PRKAR2B: variants seen among roughly 807,000 people sequenced by gnomAD.
PRKAR2B encodes protein kinase cAMP-dependent type II regulatory subunit beta.
Under a neutral mutation model 49.9 loss-of-function variants are expected in PRKAR2B, and 14 were observed. The observed-to-expected ratio is 0.28, with a 90% CI of 0.19 to 0.44. The LOEUF (loss-of-function observed/expected upper bound fraction) is 0.44, where lower values mean the gene tolerates loss of function less well. Among genes scored for constraint, PRKAR2B ranks in the 20% least tolerant of loss-of-function variants. The pLI is 1.00. For synonymous variants in PRKAR2B, 196 were observed against 197.7 expected, an observed-to-expected ratio of 0.99 and a Z score of 0.07; for missense variants, 393 against 537.9, an observed-to-expected ratio of 0.73 and a Z score of 2.67.
chr7:107,142,367 G>A (rs1417787614), intron 5 of PRKAR2B, among the ~76,000 whole-genome samples: 1 of 152,186 alleles, frequency 6.6e-6, no homozygotes, highest in Non-Finnish European at 1.5e-5. Flanking sequence ...TTATCTATAT[G>A]TGAATCAAAG....
intron 5 of PRKAR2B, among the ~76,000 whole-genome samples, chr7:107,142,945 T>C (rs914072336): frequency 1.3e-5 from 2 of 152,138 alleles, no homozygotes; most frequent in Non-Finnish European, 2.9e-5. Flanking sequence ...GTATTTTCAG[T>C]AGAGACAAGG....
At chr7:107,128,959 C>G (rs1467987976) in intron 4 of PRKAR2B, 1 of 152,038 alleles carries the variant, frequency 6.6e-6, no homozygotes, top group Non-Finnish European at 1.5e-5. Context: ...TTAGTCATTG[C>G]TGTATAGTTA....
chr7:107,054,430 G>A (rs972701145), intron 1 of PRKAR2B, among the ~76,000 whole-genome samples: 2 of 152,128 alleles, frequency 1.3e-5, no homozygotes, highest in Non-Finnish European at 2.9e-5. Flanking sequence ...AAATATTCTT[G>A]TCTTAAGTCA....
At chr7:107,054,387 C>T (rs924201781) in intron 1 of PRKAR2B, among the ~76,000 whole-genome samples, 4 of 148,414 alleles carry the variant, frequency 2.7e-5, no homozygotes, top group Admixed American at 2.1e-4. Context: ...CGGTATATAG[C>T]GGCACATGAC....
intron 2 of PRKAR2B, among the ~76,000 whole-genome samples, chr7:107,084,972 A>G (rs553198379): frequency 3.2e-4 from 49 of 152,208 alleles, no homozygotes; most frequent in African/African-American, 1.1e-3. Context: ...TTAATAGTAC[A>G]GGTATATACG....
At chr7:107,104,786 A>C (rs892194774) in intron 2 of PRKAR2B, among the ~76,000 whole-genome samples, 2 of 152,194 alleles carry the variant, frequency 1.3e-5, no homozygotes, top group African/African-American at 4.8e-5. Flanking sequence ...GTCTGGGTGC[A>C]AATGTGTGCT....
intron 2 of PRKAR2B, among the ~76,000 whole-genome samples, chr7:107,107,598 A>C (rs978368105): frequency 6.6e-6 from 1 of 151,816 alleles, no homozygotes; most frequent in Non-Finnish European, 1.5e-5. Flanking sequence ...AAGAAACTCA[A>C]TTATGAGGTA....
At chr7:107,072,805 G>A (rs1794306877) in intron 2 of PRKAR2B, among the ~76,000 whole-genome samples, 1 of 152,054 alleles carries the variant, frequency 6.6e-6, no homozygotes, top group Non-Finnish European at 1.5e-5. Flanking sequence ...GATTTCTTAT[G>A]ATACCTTTTC....
At chr7:107,094,343 T>C (rs573845505) in intron 2 of PRKAR2B, among the ~76,000 whole-genome samples, 3 of 152,356 alleles carry the variant, frequency 2.0e-5, no homozygotes, top group Admixed American at 2.0e-4. Flanking sequence ...CTTTGCCTTT[T>C]TGATGGGGTT....
chr7:107,096,997 G>A (rs1055072911), intron 2 of PRKAR2B, among the ~76,000 whole-genome samples: 1 of 152,204 alleles, frequency 6.6e-6, no homozygotes, highest in African/African-American at 2.4e-5. Context: ...TTGATTTGGG[G>A]TGGAGAGTTC....
Position 107,045,047 on chromosome 7 carries a change from G to T in PRKAR2B, c.140G>T (p.Gly47Val). The change falls in exon 1 of 11, where the codon GGC (glycine) becomes GTC (valine). Residue 47 changes from glycine (G) to valine (V), a missense_variant. By Grantham distance (109) the Gly-to-Val change is moderately radical. Around this residue, in one of 2 missense-constraint regions of PRKAR2B, gnomAD observed 160 missense variants for 147.6 expected, o/e 1.08. Coordinates refer to ENST00000265717, the MANE Select transcript of PRKAR2B (RefSeq NM_002736.3). ...CTGCAGCAGGAGAACGAGCGCAAAG[G>T]CACCGCGCGCTTCGGCCATGAGGGC... ...TRLQQENERK[G>V]TARFGHEGRT... 6.5e-7 allele frequency: 1 copy of T among 1,546,620 alleles called. No individual in the cohort carries two copies. The highest frequency in any genetic ancestry group is 1.2e-5 in the South Asian group (1 of 84,326).
Position 107,151,012 on chromosome 7 carries a change from A to G in PRKAR2B, c.832A>G (p.Lys278Glu). 6.4e-7 allele frequency: 1 copy of G among 1,567,388 alleles called. No individual in the cohort carries two copies. The highest frequency in any genetic ancestry group is 1.2e-5 in the South Asian group (1 of 85,168). Reference protein sequence around the residue: ...ESFIESLPFLKSLEFSERLKV... With the variant: ...ESFIESLPFLESLEFSERLKV... ...CTTTATTGAGTCACTGCCATTCCTT[A>G]AATCTTTGGAGGTAAGTATATGTTT... Residue 278 changes from lysine to glutamate, a missense_variant, in exon 7 of 11, where the codon AAA (lysine) becomes GAA (glutamate). Physicochemically the swap from Lys to Glu is moderately conservative, Grantham distance 56 (BLOSUM62 1). Transcript: ENST00000265717.
At chr7:107,127,680 C>T (rs568043933) in intron 3 of PRKAR2B, among the ~76,000 whole-genome samples, 2 of 152,214 alleles carry the variant, frequency 1.3e-5, no homozygotes, top group South Asian at 4.1e-4. Context: ...CAGGTACATA[C>T]CACATGTGTA....
chr7:107,142,767 G>A (rs1191019962), intron 5 of PRKAR2B, among the ~76,000 whole-genome samples: 1 of 150,640 alleles, frequency 6.6e-6, no homozygotes, highest in Non-Finnish European at 1.5e-5. Flanking sequence ...AAGATTTTTT[G>A]TTTGTTTTTT....
At chr7:107,053,643 T>C (rs376133699) in intron 1 of PRKAR2B, among the ~76,000 whole-genome samples, 1 of 151,986 alleles carries the variant, frequency 6.6e-6, no homozygotes, top group African/African-American at 2.4e-5. Context: ...GAAAATTCTA[T>C]CTTATAAAAA....
chr7:107,160,775 G>A lies in PRKAR2B; in HGVS notation c.*1193G>A, dbSNP rs1197775402. On this transcript the variant is annotated 3_prime_UTR_variant, in exon 11 of 11. Coordinates refer to ENST00000265717, the MANE Select transcript of PRKAR2B (RefSeq NM_002736.3). Reference sequence around the variant, plus strand: ...TAGGCCTTGCCATTGCTTTAATGTAGACTCATAGTTGAAATTAGTGCAGAA... The same window carrying A: ...TAGGCCTTGCCATTGCTTTAATGTAAACTCATAGTTGAAATTAGTGCAGAA... 1 of 152,064 alleles carries A rather than the reference G, an allele frequency of 6.6e-6. No homozygotes were observed. Among genetic ancestry groups the A allele is most frequent in the African/African-American group, 2.4e-5 (1 of 41,392 alleles). 9.4% of individuals were successfully genotyped at this position (152,064 alleles called of 1,614,324 possible).
intron 2 of PRKAR2B, among the ~76,000 whole-genome samples, chr7:107,072,310 A>G (rs1175828376): frequency 2.0e-5 from 3 of 152,006 alleles, no homozygotes; most frequent in Non-Finnish European, 4.4e-5. Flanking sequence ...TAAAATTGTT[A>G]TCCCAATAAT....
chr7:107,157,008 A>G lies in PRKAR2B; in HGVS notation c.943A>G (p.Ile315Val), dbSNP rs1461306991. 43 of 1,612,208 alleles carry G rather than the reference A, an allele frequency of 2.7e-5. No individual in the cohort carries two copies. The highest frequency in any genetic ancestry group is 3.6e-5 in the Non-Finnish European group (42 of 1,178,426). ...GGGAGATTCGGCTGATTCTTTTTTCATTGTAGAATCTGGAGAAGTGAAAAT... is the reference window on the plus strand; with the variant it reads ...GGGAGATTCGGCTGATTCTTTTTTCGTTGTAGAATCTGGAGAAGTGAAAAT... Reference protein sequence around the residue: ...AQGDSADSFFIVESGEVKITM... With the variant: ...AQGDSADSFFVVESGEVKITM... The change falls in exon 9 of 11, where the codon ATT (isoleucine) becomes GTT (valine). Residue 315 changes from isoleucine (I) to valine (V), a missense_variant. By Grantham distance (29) the Ile-to-Val change is conservative. Coordinates refer to ENST00000265717, the MANE Select transcript of PRKAR2B (RefSeq NM_002736.3).
rs1166355349 is a variant in PRKAR2B, at chr7:107,146,292, T to A, written c.588-16T>A. 2 of 1,607,594 alleles carry A rather than the reference T, an allele frequency of 1.2e-6. No homozygotes were observed. Among genetic ancestry groups the A allele is most frequent in the Non-Finnish European group, 1.7e-6 (2 of 1,175,872 alleles). ...ATTTTATTTGAATTAACCTCCAATC[T>A]ACATATGTCCAACAGAGGCACATTT... On this transcript the variant is annotated splice_polypyrimidine_tract_variant and intron_variant, in intron 5 of 10. Transcript: ENST00000265717.
Sources: allele counts gnomAD v4.1 joint callset (sites outside exome capture counted in the v4.1 genomes callset), GRCh38; gene constraint gnomAD v4.1.1; regional missense constraint gnomAD v4.1.1; transcripts MANE v1.5; gene names NCBI Gene and HGNC (gene_info 2026-07-23, HGNC 2026-07-21).